The following WHRN variants were observed in gnomAD, a reference collection of about 807,000 sequenced individuals.
WHRN encodes CASK-interacting protein CIP98.
Under a neutral mutation model 68.3 loss-of-function variants are expected in WHRN, and 41 were observed. The ratio of observed to expected loss-of-function variants is 0.60; its 90% confidence interval spans 0.47 to 0.78. The LOEUF is 0.78. WHRN is among the 30% of genes least tolerant of loss of function. The pLI, the probability that WHRN is intolerant of heterozygous loss-of-function variation, is 0.00. For synonymous variants in WHRN, 560 were observed against 561.3 expected (o/e 1.00, Z 0.03); for missense variants, 1,243 against 1,244.7 (o/e 1.00, Z 0.02).
chr9:114,500,398 T>C (rs575568895), intron 1 of WHRN, among the ~76,000 whole-genome samples: 239 of 152,300 alleles, frequency 1.6e-3, no homozygotes, highest in African/African-American at 5.3e-3. Context: ...AAAAGGACAA[T>C]TGTGTCATTT....
chr9:114,440,630 C>T (rs948344797), intron 3 of WHRN, among the ~76,000 whole-genome samples: 2 of 152,188 alleles, frequency 1.3e-5, no homozygotes, highest in Non-Finnish European at 2.9e-5. Flanking sequence ...TATAAACAAA[C>T]ATTAAAATGC....
intron 3 of WHRN, among the ~76,000 whole-genome samples, chr9:114,432,651 C>T (rs1589127357): frequency 3.3e-5 from 5 of 152,180 alleles, no homozygotes; most frequent in Non-Finnish European, 5.9e-5. Context: ...CATATCAGTA[C>T]CTGGTTGACA....
In WHRN at chr9:114,478,837, C is replaced by A. The variant is rs7874870; in HGVS notation, c.619-66G>T. Reference sequence around the variant, plus strand: ...CCGGGGGTGTGGAGGAACACCCTCCCCTGGCCCAGACCTTGGTTTTTCTCA... The same window carrying A: ...CCGGGGGTGTGGAGGAACACCCTCCACTGGCCCAGACCTTGGTTTTTCTCA... On this transcript the variant is annotated intron_variant, in intron 1 of 11. Coordinates refer to ENST00000362057, the MANE Select transcript of WHRN (RefSeq NM_015404.4). 5.5e-3 allele frequency: 8,259 copies of A among 1,492,734 alleles called. 378 individuals carry two copies. In the African/African-American group the frequency reaches 0.099, roughly 18 times the overall value. 92.5% of individuals were successfully genotyped at this position (1,492,734 alleles called of 1,614,324 possible).
rs573758410 is a variant in WHRN at position 114,473,058 on chromosome 9, T to C, written c.837+5495A>G. 1.2e-4 allele frequency among the ~76,000 whole-genome samples: 18 copies of C among 152,334 alleles called. No individual in the cohort carries two copies. In the East Asian group the frequency reaches 2.1e-3, roughly 18 times the overall value. The stretch of plus-strand genomic sequence containing the variant: ...AGCCTGAGCCGAAGGGCAGGTCCCA[T>C]CTTGTTTCTGTGGCTGCTGGAGACA... On this transcript the variant is annotated intron_variant, in intron 2 of 11. Coordinates refer to ENST00000362057, the MANE Select transcript of WHRN (RefSeq NM_015404.4).
At position 114,424,213 on chromosome 9, in the gene WHRN, C is replaced by A. The variant is rs1295057812; in HGVS notation, c.1416+121G>T. Reference sequence around the variant, plus strand: ...GCAGGAGGCTGCCTCAGTCCCAGGTCTCTGCCCAGTGTTCAGTTCAGGCCT... The same window carrying A: ...GCAGGAGGCTGCCTCAGTCCCAGGTATCTGCCCAGTGTTCAGTTCAGGCCT... On this transcript the variant is annotated intron_variant, in intron 6 of 11. Coordinates refer to ENST00000362057, the MANE Select transcript of WHRN (RefSeq NM_015404.4). 6 of 1,187,740 alleles carry A rather than the reference C, an allele frequency of 5.1e-6. No individual in the cohort carries two copies. In the East Asian group the frequency reaches 1.4e-4, roughly 28 times the overall value. 73.6% of individuals were successfully genotyped at this position (1,187,740 alleles called of 1,614,324 possible).
At chr9:114,473,892 T>C (rs1464390623) in intron 2 of WHRN, among the ~76,000 whole-genome samples, 1 of 152,178 alleles carries the variant, frequency 6.6e-6, no homozygotes, top group Non-Finnish European at 1.5e-5. Context: ...CTGGATCCTC[T>C]AGCCTGCAGG....
intron 1 of WHRN, among the ~76,000 whole-genome samples, chr9:114,479,973 G>A (rs1841971587): frequency 1.3e-5 from 2 of 152,196 alleles, no homozygotes; most frequent in Non-Finnish European, 2.9e-5. Flanking sequence ...TGAGGCAAGA[G>A]AATCACTTGA....
In WHRN at chr9:114,504,439, G is replaced by A; in HGVS notation, c.363C>T (p.Pro121=). The A allele has an allele frequency of 6.2e-7, 1 of 1,607,142 alleles. No homozygotes were observed. Residue 121 remains proline (P), a synonymous_variant, in exon 1 of 12, where the codon CCC becomes CCT. Transcript: ENST00000362057. Reference sequence around the variant, plus strand: ...GGCCGCCCCAGGCGGGCTGCCTGTAGGGGGTGGTGGCGGGCAGGTAGAGGC... The same window carrying A: ...GGCCGCCCCAGGCGGGCTGCCTGTAAGGGGTGGTGGCGGGCAGGTAGAGGC... ...AEGLYLPATT[P]YRQPAWGGPD...
chr9:114,494,223 T>C lies in WHRN; in HGVS notation c.618+9961A>G, dbSNP rs539632255. On this transcript the variant is annotated intron_variant, in intron 1 of 11. Transcript: ENST00000362057. Reference sequence around the variant, plus strand: ...TGCGCTAAGTACTGTAAACATCTTGTGCGTGTTATCTGTTTTGTACCTTCT... The same window carrying C: ...TGCGCTAAGTACTGTAAACATCTTGCGCGTGTTATCTGTTTTGTACCTTCT... 2.7e-4 allele frequency among the ~76,000 whole-genome samples: 41 copies of C among 152,382 alleles called. No homozygotes were observed. The South Asian group carries it at 8.5e-3, about 32-fold the overall frequency.
At chr9:114,450,542 C>T (rs535522025) in intron 3 of WHRN, among the ~76,000 whole-genome samples, 3 of 152,248 alleles carry the variant, frequency 2.0e-5, no homozygotes, top group Admixed American at 6.5e-5. Context: ...AAGACTCATG[C>T]GGTTACCTTA....
intron 3 of WHRN, among the ~76,000 whole-genome samples, chr9:114,456,734 CAGG>C (rs1279318109): frequency 6.6e-6 from 1 of 151,178 alleles, no homozygotes; most frequent in Non-Finnish European, 1.5e-5. Context: ...GAGGCTGAGG[CAGG>C]AGAATCGCTT....
Position 114,406,807 on chromosome 9 carries a change from G to T in WHRN, c.1784C>A (p.Pro595Gln), listed in dbSNP as rs1287573798. The change falls in exon 9 of 12, where the codon CCA becomes CAA. Residue 595 changes from proline to glutamine, a missense_variant. By Grantham distance (76) the Pro-to-Gln change is moderately conservative. Transcript: ENST00000362057. ...PPPLAQGNDL[P>Q]LGQPRKLGRE... ...CCCCAGCTTCCTTGGCTGGCCTAGT[G>T]GGAGGTCGTTGCCTTGGGCCAGAGG... The T allele has an allele frequency of 5.0e-6, 8 of 1,612,524 alleles. No individual in the cohort carries two copies. The Admixed American group carries it at 1.2e-4, about 24-fold the overall frequency.
chr9:114,500,982 T>A (rs1184626265), intron 1 of WHRN, among the ~76,000 whole-genome samples: 1 of 152,136 alleles, frequency 6.6e-6, no homozygotes, highest in Non-Finnish European at 1.5e-5. Flanking sequence ...CAAGAAGACA[T>A]CAGATTAGAC....
chr9:114,483,983 T>C (rs370412950), intron 1 of WHRN, among the ~76,000 whole-genome samples: 9 of 152,148 alleles, frequency 5.9e-5, no homozygotes, highest in Admixed American at 1.3e-4. Flanking sequence ...TGGAAAACTG[T>C]CCTCAGTTTC....
At chr9:114,455,872 G>C (rs896588275) in intron 3 of WHRN, among the ~76,000 whole-genome samples, 1 of 152,028 alleles carries the variant, frequency 6.6e-6, no homozygotes, top group African/African-American at 2.4e-5. Flanking sequence ...TAATCTACCA[G>C]ACATCACAGC....
chr9:114,458,232 C>A (rs1265165652), intron 3 of WHRN, among the ~76,000 whole-genome samples: 1 of 152,070 alleles, frequency 6.6e-6, no homozygotes, highest in African/African-American at 2.4e-5. Flanking sequence ...GGCTTGGGAT[C>A]CTTCTTGTTT....
chr9:114,497,624 T>C (rs187525701), intron 1 of WHRN, among the ~76,000 whole-genome samples: 1 of 152,272 alleles, frequency 6.6e-6, no homozygotes, highest in East Asian at 1.9e-4. Flanking sequence ...AATAATTCTA[T>C]TTTGGAATCA....
intron 5 of WHRN, 43 bp downstream of exon 5, chr9:114,424,945 G>A: frequency 6.3e-7 from 1 of 1,596,804 alleles, no homozygotes; most frequent in Non-Finnish European, 8.6e-7. Flanking sequence ...CTCACTCAGG[G>A]AGCTGTGAGG....
At position 114,406,538 on chromosome 9, in the gene WHRN, A is replaced by G; in HGVS notation, c.2053T>C (p.Ser685Pro). ...GAGGGGCTTTTCAGGTGCGGGGGTGACTGGACCCGTGGGAAGGGGCCGATG... is the reference window on the plus strand; with the variant it reads ...GAGGGGCTTTTCAGGTGCGGGGGTGGCTGGACCCGTGGGAAGGGGCCGATG... ...HPIGPFPRVQ[S>P]PPHLKSPSAE... The change falls in exon 9 of 12, where the codon TCA becomes CCA. Residue 685 changes from serine (S) to proline (P), a missense_variant. By Grantham distance (74) the Ser-to-Pro change is moderately conservative. Transcript: ENST00000362057. The G allele has an allele frequency of 6.2e-7, 1 of 1,613,298 alleles. No individual in the cohort carries two copies. Among genetic ancestry groups the G allele is most frequent in the Non-Finnish European group, 8.5e-7 (1 of 1,179,534 alleles).
Sources: allele counts gnomAD v4.1 joint callset (sites outside exome capture counted in the v4.1 genomes callset), GRCh38; gene constraint gnomAD v4.1.1; transcripts MANE v1.5; gene names NCBI Gene and HGNC (gene_info 2026-07-23, HGNC 2026-07-21).